THRAP3: variants seen among roughly 807,000 people sequenced by gnomAD.
The protein encoded by THRAP3 is thyroid hormone receptor-associated protein 3.
A neutral mutation model predicts 101.0 loss-of-function variants in THRAP3; 16 were observed. That is an observed-to-expected ratio of 0.16 (90% CI 0.11 to 0.24). The LOEUF is 0.24. THRAP3 is among the 10% of genes least tolerant of loss of function. The pLI, the probability that THRAP3 is intolerant of heterozygous loss-of-function variation, is 1.00. For missense variants in THRAP3, 989 were observed against 1,202.7 expected (o/e 0.82, Z 2.63); for synonymous variants, 407 against 422.6 (o/e 0.96, Z 0.45).
chr1:36,293,521 G>C (rs1023939760), intron 7 of THRAP3, among the ~76,000 whole-genome samples: 20 of 152,232 alleles, frequency 1.3e-4, no homozygotes, highest in African/African-American at 4.6e-4. Flanking sequence ...CAGTGGATAG[G>C]GACTAGAAAC....
At chr1:36,249,219 A>G (rs1296732092) in intron 1 of THRAP3, among the ~76,000 whole-genome samples, 4 of 103,154 alleles carry the variant, frequency 3.9e-5, no homozygotes, top group Non-Finnish European at 7.4e-5. Flanking sequence ...TTTGAGATGG[A>G]GTCTCGCTCT....
At chr1:36,296,008 C>A (rs1354526656) in intron 8 of THRAP3, among the ~76,000 whole-genome samples, 1 of 77,158 alleles carries the variant, frequency 1.3e-5, no homozygotes, top group Non-Finnish European at 2.3e-5. Context: ...TAGTCTTGTT[C>A]TATTGGCCAG....
At chr1:36,210,157 A>G in the THRAP3 span, among the ~76,000 whole-genome samples, 2 of 151,744 alleles carry the variant, frequency 1.3e-5, no homozygotes, top group African/African-American at 2.4e-5. Flanking sequence ...ACAAGGTCAG[A>G]AGATCGAGAC....
rs35741262 is a variant in THRAP3 at position 36,289,081 on chromosome 1, A to G, written c.1062A>G (p.Thr354=). ...ATAGGTATCTAGAAGAGCAGAAGAC[A>G]GAGAATGGAAAAGATAAGGAACAGA... The part of the protein sequence containing the change: ...YTKRYLEEQK[T]ENGKDKEQKQ... The change falls in exon 5 of 12, where the codon ACA becomes ACG. Residue 354 remains threonine (T), a synonymous_variant. Transcript: ENST00000354618. 1.5e-4 allele frequency: 237 copies of G among 1,592,416 alleles called. 1 individual carries two copies. The African/African-American group carries it at 2.6e-3, about 18-fold the overall frequency.
At chr1:36,212,155 T>G in the THRAP3 span, among the ~76,000 whole-genome samples, 1 of 152,198 alleles carries the variant, frequency 6.6e-6, no homozygotes, top group Non-Finnish European at 1.5e-5. Context: ...GATGGCTGCC[T>G]CTAAATGGTG....
chr1:36,295,400 C>T (rs1303202091), intron 8 of THRAP3, among the ~76,000 whole-genome samples: 3 of 152,034 alleles, frequency 2.0e-5, no homozygotes, highest in Non-Finnish European at 4.4e-5. Flanking sequence ...TGTGGGATGT[C>T]CCGGAACTAC....
intron 1 of THRAP3, among the ~76,000 whole-genome samples, chr1:36,245,360 G>C (rs1480224043): frequency 6.6e-6 from 1 of 151,744 alleles, no homozygotes; most frequent in African/African-American, 2.4e-5. Context: ...GTAGAGACGG[G>C]GTTTCACCAT....
At position 36,286,298 on chromosome 1, in the gene THRAP3, A is replaced by G; in HGVS notation, c.138-70A>G. 6.8e-7 allele frequency: 1 copy of G among 1,465,752 alleles called. No individual in the cohort carries two copies. The highest frequency in any genetic ancestry group is 9.2e-7 in the Non-Finnish European group (1 of 1,088,304). 90.8% of individuals were successfully genotyped at this position (1,465,752 alleles called of 1,614,324 possible). The stretch of plus-strand genomic sequence containing the variant: ...GACACATAAGGGCAGGGATTTCAGA[A>G]CAGATTTTTCTTGAATAAAAATGCT... On this transcript the variant is annotated intron_variant, in intron 3 of 11. Transcript: ENST00000354618. This position sits in a 1 kb window ranked among gnomAD's most constrained non-coding sequence, Gnocchi z 5.5.
chr1:36,292,395 C>T (rs527366706), intron 6 of THRAP3, among the ~76,000 whole-genome samples: 24 of 150,608 alleles, frequency 1.6e-4, no homozygotes, highest in East Asian at 3.9e-4. Context: ...CCTCAGCCTC[C>T]GGAGTAGCTG....
In THRAP3 at chr1:36,250,710, G is replaced by T. The variant is rs56244401; in HGVS notation, c.-134-8672G>T. On this transcript the variant is annotated intron_variant, in intron 1 of 11. Coordinates refer to ENST00000354618, the MANE Select transcript of THRAP3 (RefSeq NM_005119.4). ...GCGGATCACTTGAGGGCGGGAGTTCGAGACCAGCCTGGCCAACATGGCGAA... is the reference window on the plus strand; with the variant it reads ...GCGGATCACTTGAGGGCGGGAGTTCTAGACCAGCCTGGCCAACATGGCGAA... Among the ~76,000 whole-genome samples, 3 of 151,232 alleles carry T rather than the reference G, an allele frequency of 2.0e-5. No individual in the cohort carries two copies. In the South Asian group the frequency reaches 6.3e-4, roughly 32 times the overall value.
chr1:36,264,610 T>A (rs1367937982), intron 2 of THRAP3, among the ~76,000 whole-genome samples: 1 of 152,234 alleles, frequency 6.6e-6, no homozygotes, highest in Non-Finnish European at 1.5e-5. Flanking sequence ...ATTATGGACA[T>A]ATGGACAGCC....
chr1:36,222,714 C>T (rs1233923155), upstream of THRAP3, among the ~76,000 whole-genome samples: 2 of 152,204 alleles, frequency 1.3e-5, no homozygotes, highest in Non-Finnish European at 2.9e-5. Flanking sequence ...CGGCCTATGC[C>T]TGTATTTCTT....
intron 1 of THRAP3, among the ~76,000 whole-genome samples, chr1:36,238,836 G>A (rs1415593222): frequency 1.3e-5 from 2 of 151,992 alleles, no homozygotes; most frequent in Non-Finnish European, 2.9e-5. Flanking sequence ...TGAGAGGATC[G>A]AGTGATCCTT....
intron 1 of THRAP3, among the ~76,000 whole-genome samples, chr1:36,251,660 A>G (rs1325444591): frequency 6.6e-6 from 1 of 152,244 alleles, no homozygotes; most frequent in Non-Finnish European, 1.5e-5. Context: ...TAATTGTTTA[A>G]TGACCACATG....
chr1:36,275,794 G>T (rs568734424), intron 2 of THRAP3, among the ~76,000 whole-genome samples: 15 of 152,016 alleles, frequency 9.9e-5, no homozygotes, highest in South Asian at 6.2e-4. Context: ...GCCGAGGTGG[G>T]TGGATTGCTT....
intron 1 of THRAP3, among the ~76,000 whole-genome samples, chr1:36,248,933 T>C (rs1350791299): frequency 6.6e-6 from 1 of 151,384 alleles, no homozygotes; most frequent in Non-Finnish European, 1.5e-5. Context: ...AGTGTCTTGC[T>C]CTGTTTCCCA....
intron 2 of THRAP3, among the ~76,000 whole-genome samples, chr1:36,261,823 G>T (rs1042709671): frequency 6.6e-6 from 1 of 152,066 alleles, no homozygotes; most frequent in Admixed American, 6.6e-5. Flanking sequence ...ATCATTTTTG[G>T]TCTCTTACGT....
chr1:36,304,256 C>A lies in THRAP3; in HGVS notation c.*239C>A. Reference sequence around the variant, plus strand: ...TTTGAGCAGAATACAACGCATTGGGCTTTAGCTGTTTTTCTCATTTGTTGG... The same window carrying A: ...TTTGAGCAGAATACAACGCATTGGGATTTAGCTGTTTTTCTCATTTGTTGG... On this transcript the variant is annotated 3_prime_UTR_variant, in exon 12 of 12. Coordinates refer to ENST00000354618, the MANE Select transcript of THRAP3 (RefSeq NM_005119.4). 2.5e-6 allele frequency: 1 copy of A among 392,322 alleles called. No homozygotes were observed. Among genetic ancestry groups the A allele is most frequent in the East Asian group, 4.2e-5 (1 of 23,818 alleles). The allele number at this position is 392,322 out of a possible 1,614,324, so 24.3% of individuals were successfully genotyped here.
chr1:36,224,664 G>A (rs1436687290), intron 1 of THRAP3, among the ~76,000 whole-genome samples, 159 bp downstream of exon 1: 1 of 152,128 alleles, frequency 6.6e-6, no homozygotes, highest in Admixed American at 6.5e-5. Flanking sequence ...AGCGGGCTCC[G>A]TTCCCTCCGG....
Sources: gnomAD v4.1 joint callset for allele counts (sites outside exome capture counted in the v4.1 genomes callset) on GRCh38, gnomAD v4.1.1 for gene constraint, Gnocchi (gnomAD v3.1) non-coding constraint, MANE v1.5 for transcripts, NCBI Gene and HGNC (gene_info 2026-07-23, HGNC 2026-07-21) for gene names.